CHD2: variants seen among roughly 807,000 people sequenced by gnomAD.
The protein encoded by CHD2 is chromodomain helicase DNA binding protein 2.
CHD2 carries 28 observed loss-of-function variants against 243.9 expected under a neutral mutation model. The ratio of observed to expected loss-of-function variants is 0.11; its 90% CI spans 0.09 to 0.16. The LOEUF (loss-of-function observed/expected upper bound fraction) is 0.16. CHD2 is among the 10% of genes least tolerant of loss of function. The pLI is 1.00. For missense variants in CHD2, 1,386 were observed against 2,209.8 expected, an observed-to-expected ratio of 0.63 and a Z score of 7.47; for synonymous variants, 775 against 779.0, an observed-to-expected ratio of 0.99 and a Z score of 0.09.
chr15:92,911,993 T>A (rs1333783535), intron 2 of CHD2, among the ~76,000 whole-genome samples: 2 of 152,118 alleles, frequency 1.3e-5, no homozygotes, highest in Non-Finnish European at 2.9e-5. Context: ...GTGATGCTCA[T>A]GGGGATAGTA....
chr15:92,937,636 T>G lies in CHD2; in HGVS notation c.551+11T>G. 1 of 1,595,846 alleles carries G rather than the reference T, an allele frequency of 6.3e-7. No homozygotes were observed. The highest frequency in any genetic ancestry group is 8.6e-7 in the Non-Finnish European group (1 of 1,166,554). ...ACCTGTCCCCAGAAGGTGCACTGTT[T>G]GCTTAAGATCTCTACTTGGGATGAG... On this transcript the variant is annotated intron_variant, in intron 6 of 38. Transcript: ENST00000394196.
At chr15:92,990,992 A>G (rs530070308) in intron 26 of CHD2, among the ~76,000 whole-genome samples, 17 of 152,346 alleles carry the variant, frequency 1.1e-4, no homozygotes, top group African/African-American at 4.1e-4. Flanking sequence ...TCCAAAAACT[A>G]TTTGAGACAG....
chr15:92,972,706 C>T (rs1318657296), intron 19 of CHD2, among the ~76,000 whole-genome samples: 1 of 49,672 alleles, frequency 2.0e-5, no homozygotes, highest in African/African-American at 4.3e-5. Flanking sequence ...AAAAAATTAG[C>T]CGGGCGTAGT....
At chr15:92,911,267 A>ATGTGT (rs2052729689) in intron 2 of CHD2, among the ~76,000 whole-genome samples, 1 of 152,146 alleles carries the variant, frequency 6.6e-6, no homozygotes, top group African/African-American at 2.4e-5. Context: ...ATTGCTTTGT[A>ATGTGT]TGTGTTAGTT....
At chr15:92,935,665 C>G (rs902572139) in intron 5 of CHD2, among the ~76,000 whole-genome samples, 10 of 152,228 alleles carry the variant, frequency 6.6e-5, no homozygotes, top group Non-Finnish European at 1.5e-5. Flanking sequence ...CTGAGGGAGA[C>G]TGCAGACTCA....
Position 92,949,199 on chromosome 15 carries a change from C to G in CHD2, c.1502+123C>G, listed in dbSNP as rs564690473. The G allele has an allele frequency of 1.2e-4, 183 of 1,514,942 alleles. 1 individual carries two copies. The East Asian group carries it at 4.1e-3, about 34-fold the overall frequency. The allele number at this position is 1,514,942 out of a possible 1,614,324, so 93.8% of individuals were successfully genotyped here. A position where few individuals can be genotyped will look rare whatever the true frequency, so the allele number is the denominator to read the frequency against. ...GTATCTCAACCAAGAAATCTTTATG[C>G]TGCATATTACAGAAATAAAAGATGA... On this transcript the variant is annotated intron_variant, in intron 13 of 38. Transcript: ENST00000394196.
chr15:92,929,627 A>C (rs1258014109), intron 5 of CHD2, among the ~76,000 whole-genome samples: 1 of 152,172 alleles, frequency 6.6e-6, no homozygotes, highest in Admixed American at 6.6e-5. Flanking sequence ...TTTTTAATTT[A>C]AAAAGTTCGA....
intron 16 of CHD2, among the ~76,000 whole-genome samples, chr15:92,958,945 T>C (rs944855637): frequency 6.6e-6 from 1 of 152,264 alleles, no homozygotes; most frequent in Non-Finnish European, 1.5e-5. Flanking sequence ...TTTAACAATG[T>C]TTTAAACTTA....
Position 93,025,924 on chromosome 15 carries a change from A to G in CHD2, c.*1219A>G, listed in dbSNP as rs2054583577. On this transcript the variant is annotated 3_prime_UTR_variant, in exon 39 of 39. Transcript: ENST00000394196. ...TTCTACTGTAGTTGGAGATCATTAG[A>G]ATTGAATTCAGTTTCTCTTAGAATA... is the stretch of plus-strand genomic sequence containing the variant. 1 of 152,334 alleles carries G rather than the reference A, an allele frequency of 6.6e-6. No homozygotes were observed. The highest frequency in any genetic ancestry group is 2.4e-5 in the African/African-American group (1 of 41,466). The allele number at this position is 152,334 out of a possible 1,614,324, so 9.4% of individuals were successfully genotyped here.
At position 92,984,479 on chromosome 15, in the gene CHD2, A is replaced by T; in HGVS notation, c.3216A>T (p.Arg1072=). ...TAGAAGAAATTTATATGCTGCCTCG[A>T]ATTCGGAGTTCCACTAAAAAGGTGA... ...KELEEIYMLP[R]IRSSTKKAQT... Residue 1072 remains arginine (R), a synonymous_variant, in exon 25 of 39, where the codon CGA becomes CGT. Coordinates refer to ENST00000394196, the MANE Select transcript of CHD2 (RefSeq NM_001271.4). 1 of 1,609,892 alleles carries T rather than the reference A, an allele frequency of 6.2e-7. No individual in the cohort carries two copies. The highest frequency in any genetic ancestry group is 1.1e-5 in the South Asian group (1 of 90,262).
intron 27 of CHD2, 137 bp from the exon 28 acceptor site, chr15:92,992,722 C>G: frequency 9.8e-7 from 1 of 1,022,026 alleles, no homozygotes; most frequent in Non-Finnish European, 1.4e-6. Flanking sequence ...TTGTTGGAGC[C>G]TTAGAATGAC....
rs1231018667 is a variant in CHD2 at position 92,900,771 on chromosome 15, A to C, written c.-125A>C. The C allele has an allele frequency of 5.1e-6, 2 of 395,540 alleles. No individual in the cohort carries two copies. The highest frequency in any genetic ancestry group is 4.1e-5 in the African/African-American group (2 of 48,330). The allele number at this position is 395,540 out of a possible 1,614,324, so 24.5% of individuals were successfully genotyped here. A position where few individuals can be genotyped will look rare whatever the true frequency, so the allele number is the denominator to read the frequency against. ...TTTATTTTTAATTATTTGGGATCTGATATTTTTCTACTAGTAGATAGGACT... is the reference window on the plus strand; with the variant it reads ...TTTATTTTTAATTATTTGGGATCTGCTATTTTTCTACTAGTAGATAGGACT... On this transcript the variant is annotated 5_prime_UTR_variant, in exon 1 of 39. Transcript: ENST00000394196.
intron 2 of CHD2, chr15:92,904,985 G>C (rs749422634): frequency 1.3e-6 from 2 of 1,535,924 alleles, no homozygotes; most frequent in South Asian, 2.4e-5. Context: ...TTTCTCAGTT[G>C]GCATTTGATG....
intron 18 of CHD2, 109 bp from the exon 19 acceptor site, chr15:92,972,155 AG>A (rs1208629125): frequency 8.1e-7 from 1 of 1,242,092 alleles, no homozygotes; most frequent in Non-Finnish European, 1.1e-6. Context: ...CAGGTTGCTA[AG>A]GGCTTCAGAA....
At position 92,998,083 on chromosome 15, in the gene CHD2, G is replaced by GT. The variant is rs2054208790; in HGVS notation, c.3886-415dup. 1.7e-6 allele frequency: 1 copy of GT among 605,558 alleles called. No individual in the cohort carries two copies. The highest frequency in any genetic ancestry group is 2.1e-6 in the Non-Finnish European group (1 of 478,444). The allele number at this position is 605,558 out of a possible 1,614,324, so 37.5% of individuals were successfully genotyped here. On this transcript the variant is annotated intron_variant, in intron 30 of 38. Transcript: ENST00000394196. This position sits in a 1 kb window ranked among gnomAD's most constrained non-coding sequence, Gnocchi z 5.1. ...AGCAAGGAACAGATCATGTCCTGGC[G>GT]TAGCTCAGTGCTCTCCGGCAATGCT...
intron 26 of CHD2, among the ~76,000 whole-genome samples, chr15:92,986,088 C>T (rs994165807): frequency 6.6e-5 from 10 of 152,182 alleles, no homozygotes; most frequent in African/African-American, 1.9e-4. Flanking sequence ...TTAGTACTGA[C>T]ATCAGTTTGC....
intron 37 of CHD2, among the ~76,000 whole-genome samples, chr15:93,015,732 A>G (rs150923317): frequency 6.6e-6 from 1 of 152,364 alleles, no homozygotes; most frequent in Non-Finnish European, 1.5e-5. Flanking sequence ...GAAGACATAC[A>G]GATTGCCAAC....
At chr15:92,954,814 C>G (rs544510285) in intron 14 of CHD2, among the ~76,000 whole-genome samples, 3 of 152,202 alleles carry the variant, frequency 2.0e-5, no homozygotes, top group Non-Finnish European at 4.4e-5. Flanking sequence ...CAGTTCCTAA[C>G]TTGACAGCCA....
chr15:92,936,637 A>G (rs1234445109), intron 5 of CHD2, among the ~76,000 whole-genome samples: 1 of 152,210 alleles, frequency 6.6e-6, no homozygotes, highest in African/African-American at 2.4e-5. Context: ...TGAACAGATT[A>G]GTTATATGAT....
Sources: allele counts gnomAD v4.1 joint callset (sites outside exome capture counted in the v4.1 genomes callset), GRCh38; gene constraint gnomAD v4.1.1; non-coding constraint Gnocchi (gnomAD v3.1); transcripts MANE v1.5; gene names NCBI Gene and HGNC (gene_info 2026-07-23, HGNC 2026-07-21).